DMD: variants seen among roughly 807,000 people sequenced by gnomAD.
DMD encodes mutant dystrophin.
In DMD, 63 loss-of-function variants were observed where a neutral mutation model predicts 330.1. That is an observed-to-expected ratio of 0.19 (90% CI 0.16 to 0.24). DMD has a LOEUF of 0.24. Ranked by LOEUF, DMD falls within the 10% of genes least tolerant of loss-of-function variation. The pLI is 1.00. For missense variants in DMD, 3,344 were observed against 2,684.1 expected (o/e 1.25, Z -5.43); for synonymous variants, 1,223 against 959.8 (o/e 1.27, Z -5.07).
At chrX:32,900,280 A>G (rs977766366) in intron 2 of DMD, among the ~76,000 whole-genome samples, 10 of 111,746 alleles carry the variant, frequency 8.9e-5, no homozygotes, top group African/African-American at 2.9e-4. Flanking sequence ...GGAAGAGAGA[A>G]TAGTGGTGCA....
chrX:32,614,267 T>C (rs1164957165), intron 12 of DMD, 36 bp downstream of exon 12: 15 of 1,199,780 alleles, frequency 1.3e-5, no homozygotes, highest in African/African-American at 1.8e-5. Context: ...AGAGTTTGCT[T>C]TCTAGTAGAA....
intron 46 of DMD, 48 bp from the exon 47 acceptor site, chrX:31,929,793 T>A: frequency 8.4e-7 from 1 of 1,193,745 alleles, no homozygotes; most frequent in Non-Finnish European, 1.1e-6. Context: ...ACAGCACAAT[T>A]CCAACTACCT....
intron 45 of DMD, among the ~76,000 whole-genome samples, chrX:31,944,873 C>T (rs887208196): frequency 9.0e-5 from 10 of 110,918 alleles, no homozygotes; most frequent in Non-Finnish European, 1.5e-4. Flanking sequence ...GACAGCTTAT[C>T]ATGCATGCCG....
intron 60 of DMD, among the ~76,000 whole-genome samples, chrX:31,435,218 A>C (rs1280306103): frequency 8.9e-6 from 1 of 112,097 alleles, no homozygotes; most frequent in Non-Finnish European, 1.9e-5. Context: ...TATAATTGTG[A>C]ATGGCATACA....
intron 63 of DMD, among the ~76,000 whole-genome samples, chrX:31,224,791 A>G (rs1009829763): frequency 8.0e-5 from 9 of 112,407 alleles, no homozygotes; most frequent in African/African-American, 2.9e-4. Context: ...GTGGGATACT[A>G]CTGTGCAAAG....
intron 1 of DMD, among the ~76,000 whole-genome samples, chrX:33,326,253 T>TA (rs548550204): frequency 0.041 from 3,894 of 96,114 alleles, 75 homozygotes; most frequent in Non-Finnish European, 0.061. Flanking sequence ...AAGCAAAGGG[T>TA]AAAAAAAAAA....
chrX:32,356,394 A>AG (rs1343805890), intron 37 of DMD, among the ~76,000 whole-genome samples: 1 of 107,935 alleles, frequency 9.3e-6, no homozygotes, highest in African/African-American at 3.3e-5. Context: ...AAAAAAAAAA[A>AG]AAAAAAAAAA....
chrX:32,808,204 A>T lies in DMD; in HGVS notation c.649+1289T>A, dbSNP rs752503751. On this transcript the variant is annotated intron_variant, in intron 7 of 78. Coordinates refer to ENST00000357033, the MANE Select transcript of DMD (RefSeq NM_004006.3). ...GGATACTATCGTGTATAGAAGCAAT[A>T]AAAAGGGGTTACAGTATTCAGTGTT... Among the ~76,000 whole-genome samples, 3 of 111,886 alleles carry T rather than the reference A, an allele frequency of 2.7e-5. No individual in the cohort carries two copies. The South Asian group carries it at 1.1e-3, about 42-fold the overall frequency.
At chrX:32,411,983 A>G (rs779025782) in intron 29 of DMD, 70 bp from the exon 30 acceptor site, 1 of 1,188,705 alleles carries the variant, frequency 8.4e-7, no homozygotes, top group Non-Finnish European at 1.1e-6. Context: ...ATCCTGCTGA[A>G]CAATAAATGA....
At chrX:32,417,713 A>G (rs1329600327) in intron 29 of DMD, among the ~76,000 whole-genome samples, 2 of 110,414 alleles carry the variant, frequency 1.8e-5, no homozygotes, top group African/African-American at 6.6e-5. Flanking sequence ...AGATGTTTTT[A>G]TAGAGCATAT....
At chrX:33,162,971 T>G (rs2048844097) in intron 1 of DMD, among the ~76,000 whole-genome samples, 1 of 111,390 alleles carries the variant, frequency 9.0e-6, no homozygotes, top group Non-Finnish European at 1.9e-5. Context: ...TTGACTGAAG[T>G]TTGACATTTT....
chrX:31,887,172 A>C (rs968426008), intron 47 of DMD, among the ~76,000 whole-genome samples: 1 of 112,122 alleles, frequency 8.9e-6, no homozygotes, highest in African/African-American at 3.2e-5. Flanking sequence ...ATACTATATG[A>C]GTGCAAAAGA....
intron 43 of DMD, among the ~76,000 whole-genome samples, chrX:32,263,200 T>C (rs933836079): frequency 4.5e-5 from 5 of 112,197 alleles, no homozygotes; most frequent in Non-Finnish European, 9.4e-5. Context: ...TGATACAATT[T>C]TGTTTATCAT....
intron 67 of DMD, among the ~76,000 whole-genome samples, chrX:31,202,961 G>A (rs1206056768): frequency 8.9e-6 from 1 of 112,008 alleles, no homozygotes; most frequent in Non-Finnish European, 1.9e-5. Context: ...AAACGATAAG[G>A]ATGTTCATTG....
intron 45 of DMD, among the ~76,000 whole-genome samples, chrX:31,952,270 T>G (rs149813392): frequency 0.041 from 4,528 of 111,631 alleles, 75 homozygotes; most frequent in Non-Finnish European, 0.054. Context: ...CCATTATTTC[T>G]TCAAATAATT....
chrX:31,210,747 C>T lies in DMD; in HGVS notation c.9362-1048G>A, dbSNP rs1347956849. Among the ~76,000 whole-genome samples the T allele has an allele frequency of 2.7e-5, 3 of 112,108 alleles. No homozygotes were observed. The Admixed American group carries it at 2.8e-4, about 11-fold the overall frequency. ...AGAGGTAAATCCCGCTCAGTAAACA[C>T]CTTTCCCAGTAATAAAGAAATGCAA... On this transcript the variant is annotated intron_variant, in intron 64 of 78. Coordinates refer to ENST00000357033, the MANE Select transcript of DMD (RefSeq NM_004006.3).
At chrX:31,437,925 T>C (rs1044205814) in intron 60 of DMD, among the ~76,000 whole-genome samples, 1 of 109,086 alleles carries the variant, frequency 9.2e-6, no homozygotes, top group African/African-American at 3.3e-5. Context: ...TATATTACGC[T>C]TACTACACAT....
At chrX:32,653,182 T>C (rs1400918818) in intron 9 of DMD, among the ~76,000 whole-genome samples, 1 of 112,137 alleles carries the variant, frequency 8.9e-6, no homozygotes, top group Admixed American at 9.5e-5. Flanking sequence ...ATTTGTCAAT[T>C]TTGACTCTTG....
intron 26 of DMD, among the ~76,000 whole-genome samples, chrX:32,449,931 C>A (rs1359379028): frequency 9.0e-6 from 1 of 110,990 alleles, no homozygotes; most frequent in Non-Finnish European, 1.9e-5. Flanking sequence ...TTATTAATCC[C>A]AGCAAACACT....
Sources: gnomAD v4.1 joint callset for allele counts (sites outside exome capture counted in the v4.1 genomes callset) on GRCh38, gnomAD v4.1.1 for gene constraint, MANE v1.5 for transcripts, NCBI Gene and HGNC (gene_info 2026-07-23, HGNC 2026-07-21) for gene names.